The following FAF1 variants were observed in gnomAD, a reference collection of about 807,000 sequenced individuals.
The protein encoded by FAF1 is FAS-associated factor 1.
In FAF1, 25 loss-of-function variants were observed where a neutral mutation model predicts 92.5. The observed-to-expected ratio is 0.27, with a 90% CI of 0.20 to 0.38. The LOEUF is 0.38. Among genes scored for constraint, FAF1 ranks in the 10% least tolerant of loss-of-function variants. The pLI is 1.00. For synonymous variants in FAF1, 234 were observed against 273.2 expected (o/e 0.86, Z 1.42); for missense variants, 636 against 793.3 (o/e 0.80, Z 2.38).
At chr1:50,650,606 C>T (rs1216330293) in intron 8 of FAF1, among the ~76,000 whole-genome samples, 1 of 151,870 alleles carries the variant, frequency 6.6e-6, no homozygotes, top group Non-Finnish European at 1.5e-5. Context: ...GGTGACAGAG[C>T]AAGACTGTCT....
chr1:50,591,389 C>T (rs552928671), intron 9 of FAF1, among the ~76,000 whole-genome samples: 1 of 152,238 alleles, frequency 6.6e-6, no homozygotes, highest in South Asian at 2.1e-4. Flanking sequence ...TCTTTTACTG[C>T]TGGCCAGGTG....
rs749667431 is a variant in FAF1 at position 50,475,583 on chromosome 1, C to T, written c.1750G>A (p.Glu584Lys). 3.1e-6 allele frequency: 5 copies of T among 1,614,118 alleles called. No individual in the cohort carries two copies. The highest frequency in any genetic ancestry group is 4.2e-6 in the Non-Finnish European group (5 of 1,179,992). The change falls in exon 18 of 19, where the codon GAG (glutamate) becomes AAG (lysine). Residue 584 changes from glutamate to lysine, a missense_variant. Coordinates refer to ENST00000396153, the MANE Select transcript of FAF1 (RefSeq NM_007051.3). ...SKLRIRTPSG[E>K]FLERRFLASN... ...GCCAGGAAACGCCGCTCCAAGAACT[C>T]GCCACTGGGGGTCCGGATCCGCAGT...
chr1:50,616,979 G>A (rs1163429197), intron 8 of FAF1, among the ~76,000 whole-genome samples: 2 of 152,022 alleles, frequency 1.3e-5, no homozygotes, highest in Admixed American at 1.3e-4. Flanking sequence ...CCGCACTCAG[G>A]CTGTACATTG....
intron 17 of FAF1, among the ~76,000 whole-genome samples, chr1:50,489,419 T>A (rs1364320745): frequency 6.6e-6 from 1 of 152,238 alleles, no homozygotes; most frequent in Non-Finnish European, 1.5e-5. Context: ...TTGCCATTAA[T>A]CCTACATCTG....
chr1:50,844,107 G>C (rs542831358), intron 2 of FAF1, among the ~76,000 whole-genome samples: 94 of 152,124 alleles, frequency 6.2e-4, no homozygotes, highest in African/African-American at 2.2e-3. Flanking sequence ...TATGGTTTTG[G>C]TTAGCATTTC....
intron 8 of FAF1, among the ~76,000 whole-genome samples, chr1:50,648,288 A>T (rs180956314): frequency 6.6e-6 from 1 of 152,062 alleles, no homozygotes; most frequent in East Asian, 1.9e-4. Context: ...CAAAACAAAA[A>T]AACAAAAAGG....
chr1:50,822,819 G>A (rs868858283), intron 2 of FAF1, among the ~76,000 whole-genome samples: 15 of 139,344 alleles, frequency 1.1e-4, no homozygotes, highest in African/African-American at 4.1e-4. Context: ...TTGTTGCCCA[G>A]GCTGGAGTGC....
At chr1:50,734,296 C>T (rs1659048351) in intron 6 of FAF1, among the ~76,000 whole-genome samples, 1 of 152,144 alleles carries the variant, frequency 6.6e-6, no homozygotes, top group Admixed American at 6.5e-5. Flanking sequence ...CTACTATAAT[C>T]GAGTTCTCAT....
chr1:50,455,533 G>T (rs1409380449), intron 18 of FAF1, among the ~76,000 whole-genome samples: 1 of 152,210 alleles, frequency 6.6e-6, no homozygotes, highest in Non-Finnish European at 1.5e-5. Context: ...GGACCAGGAA[G>T]CCAATGGTTT....
At chr1:50,670,558 A>G (rs1209152553) in intron 7 of FAF1, among the ~76,000 whole-genome samples, 8 of 152,236 alleles carry the variant, frequency 5.3e-5, no homozygotes, top group Non-Finnish European at 1.0e-4. Flanking sequence ...TCCTTGAACT[A>G]TAAAGGTAGA....
chr1:50,682,416 C>A (rs941614192), intron 7 of FAF1, among the ~76,000 whole-genome samples: 1 of 151,968 alleles, frequency 6.6e-6, no homozygotes, highest in Non-Finnish European at 1.5e-5. Context: ...GGTGGGAGAA[C>A]TGATTGATTG....
chr1:50,783,498 G>T (rs1210361907), intron 4 of FAF1, among the ~76,000 whole-genome samples: 1 of 152,164 alleles, frequency 6.6e-6, no homozygotes, highest in Non-Finnish European at 1.5e-5. Context: ...CATTGAAAGT[G>T]AAACTAAATT....
chr1:50,498,637 G>C (rs1272707033), intron 15 of FAF1, among the ~76,000 whole-genome samples: 2 of 152,102 alleles, frequency 1.3e-5, no homozygotes, highest in Non-Finnish European at 2.9e-5. Flanking sequence ...ATCACCTGAG[G>C]TCAGGAGTTC....
intron 4 of FAF1, among the ~76,000 whole-genome samples, chr1:50,762,093 C>T (rs1372724771): frequency 6.6e-6 from 1 of 152,102 alleles, no homozygotes; most frequent in Non-Finnish European, 1.5e-5. Flanking sequence ...TTCACAATTG[C>T]TTCAAAGAGA....
intron 13 of FAF1, among the ~76,000 whole-genome samples, chr1:50,543,430 A>G (rs937523159): frequency 6.6e-6 from 1 of 152,156 alleles, no homozygotes. Context: ...TGATTACTAC[A>G]TATTTCAGTG....
At chr1:50,636,012 G>A (rs1000020786) in intron 8 of FAF1, among the ~76,000 whole-genome samples, 4 of 152,118 alleles carry the variant, frequency 2.6e-5, no homozygotes, top group African/African-American at 4.8e-5. Flanking sequence ...TGAGAAGCAA[G>A]GACATATAAG....
intron 4 of FAF1, among the ~76,000 whole-genome samples, chr1:50,777,607 C>T (rs988557055): frequency 6.6e-6 from 1 of 151,850 alleles, no homozygotes; most frequent in African/African-American, 2.4e-5. Context: ...ATCCTCAATG[C>T]AGCTAAGAAA....
In FAF1 at chr1:50,490,862, A is replaced by G. The variant is rs1470954353; in HGVS notation, c.1576-197T>C. Among the ~76,000 whole-genome samples, 3 of 152,228 alleles carry G rather than the reference A, an allele frequency of 2.0e-5. No homozygotes were observed. The East Asian group carries it at 5.8e-4, about 29-fold the overall frequency. On this transcript the variant is annotated intron_variant, in intron 16 of 18. Coordinates refer to ENST00000396153, the MANE Select transcript of FAF1 (RefSeq NM_007051.3). ...CAAGAATGGAAATGAAAGCAAAAAC[A>G]AAGCATAGGTCTCTGATAATGTTAG...
At chr1:50,727,502 G>A (rs537318268) in intron 6 of FAF1, among the ~76,000 whole-genome samples, 2 of 152,224 alleles carry the variant, frequency 1.3e-5, no homozygotes, top group Admixed American at 6.5e-5. Flanking sequence ...CTATGTTTCC[G>A]ACACTTTTTT....
Sources: allele counts gnomAD v4.1 joint callset (sites outside exome capture counted in the v4.1 genomes callset), GRCh38; gene constraint gnomAD v4.1.1; transcripts MANE v1.5; gene names NCBI Gene and HGNC (gene_info 2026-07-23, HGNC 2026-07-21).